HCN1: variants seen among roughly 807,000 people sequenced by gnomAD.
HCN1 encodes hyperpolarization activated cyclic nucleotide gated potassium channel 1, also known as potassium/sodium hyperpolarization-activated cyclic nucleotide-gated channel 1.
Under a neutral mutation model 78.9 loss-of-function variants are expected in HCN1, and 13 were observed. The observed-to-expected ratio is 0.16, with a 90% confidence interval of 0.11 to 0.26. HCN1 has a LOEUF of 0.26. Among genes scored for constraint, HCN1 ranks in the 10% least tolerant of loss-of-function variants. HCN1 has a pLI of 1.00. For synonymous variants in HCN1, 552 were observed against 455.5 expected (o/e 1.21, Z -2.70); for missense variants, 810 against 1,154.3 (o/e 0.70, Z 4.32).
chr5:45,494,618 G>T (rs1275409437), intron 2 of HCN1, among the ~76,000 whole-genome samples: 6 of 151,964 alleles, frequency 3.9e-5, no homozygotes, highest in Admixed American at 3.9e-4. Context: ...GATCCCATTT[G>T]TCAATTTTGG....
At chr5:45,497,487 G>A (rs1237597531) in intron 2 of HCN1, among the ~76,000 whole-genome samples, 1 of 152,008 alleles carries the variant, frequency 6.6e-6, no homozygotes, top group African/African-American at 2.4e-5. Context: ...GATCTTTGTT[G>A]GTTTAAAGTC....
At chr5:45,577,648 T>C (rs1579978997) in intron 2 of HCN1, among the ~76,000 whole-genome samples, 1 of 152,102 alleles carries the variant, frequency 6.6e-6, no homozygotes, top group East Asian at 1.9e-4. Context: ...AAAATCTAGG[T>C]AGCATAAAGT....
intron 4 of HCN1, among the ~76,000 whole-genome samples, chr5:45,374,996 G>A (rs1202240737): frequency 7.3e-6 from 1 of 136,958 alleles, no homozygotes; most frequent in Non-Finnish European, 1.5e-5. Flanking sequence ...ACTTAAAACA[G>A]GATCACCATT....
intron 6 of HCN1, among the ~76,000 whole-genome samples, chr5:45,288,549 C>T (rs559142386): frequency 3.8e-4 from 58 of 152,054 alleles, no homozygotes; most frequent in East Asian, 1.9e-3. Flanking sequence ...GTCCTATCTA[C>T]GGAAAGAAAA....
intron 2 of HCN1, among the ~76,000 whole-genome samples, chr5:45,609,554 T>C (rs913011687): frequency 1.1e-4 from 16 of 152,154 alleles, no homozygotes; most frequent in African/African-American, 2.9e-4. Context: ...TATTAGATTC[T>C]ATAGTAATTT....
intron 1 of HCN1, among the ~76,000 whole-genome samples, chr5:45,683,693 G>C (rs1395227328): frequency 6.6e-6 from 1 of 150,784 alleles, no homozygotes; most frequent in Non-Finnish European, 1.5e-5. Context: ...TTGATACAGG[G>C]TTTCACTTTG....
chr5:45,623,648 CTATT>C lies in HCN1; in HGVS notation c.849+21533_849+21536del, dbSNP rs781566603. Among the ~76,000 whole-genome samples, 4 of 152,150 alleles carry C rather than the reference CTATT, an allele frequency of 2.6e-5. No individual in the cohort carries two copies. In the East Asian group the frequency reaches 7.7e-4, roughly 29 times the overall value. On this transcript the variant is annotated intron_variant, in intron 2 of 7. Coordinates refer to ENST00000303230, the MANE Select transcript of HCN1 (RefSeq NM_021072.4). ...TCAAAAGTGTGATGAGATCATTTAA[CTATT>C]CATTCAACAAATAATGACTATAAAT...
chr5:45,538,399 AT>A (rs1743013122), intron 2 of HCN1, among the ~76,000 whole-genome samples: 1 of 152,154 alleles, frequency 6.6e-6, no homozygotes, highest in Non-Finnish European at 1.5e-5. Context: ...ATAGAAAGTA[AT>A]ATCTAAGATG....
At chr5:45,693,853 G>A (rs1455297804) in intron 1 of HCN1, among the ~76,000 whole-genome samples, 7 of 152,134 alleles carry the variant, frequency 4.6e-5, no homozygotes, top group Admixed American at 4.6e-4. Context: ...GAAATTAAAT[G>A]TTAAAAGTTC....
Position 45,396,575 on chromosome 5 carries a change from C to G in HCN1, c.1147G>C (p.Ala383Pro). ...CCGACAAACATGGCATAGCAGGTGG[C>G]CCCGACGATCATGCTCAGCATGGTA... The part of the protein sequence containing the change: ...WITMLSMIVG[A>P]TCYAMFVGHA... Residue 383 changes from alanine to proline, a missense_variant, in exon 4 of 8, where the codon GCC (alanine) becomes CCC (proline). Transcript: ENST00000303230. 1 of 1,613,834 alleles carries G rather than the reference C, an allele frequency of 6.2e-7. No individual in the cohort carries two copies. The highest frequency in any genetic ancestry group is 8.5e-7 in the Non-Finnish European group (1 of 1,179,900).
In HCN1 at chr5:45,382,552, G is replaced by A. The variant is rs373768717; in HGVS notation, c.1230+13940C>T. On this transcript the variant is annotated intron_variant, in intron 4 of 7. Coordinates refer to ENST00000303230, the MANE Select transcript of HCN1 (RefSeq NM_021072.4). ...GCTTATTTGCTTCTTTTAAATTTTT[G>A]ACTTACTTATTAATTGATTTTTGGT... Among the ~76,000 whole-genome samples the A allele has an allele frequency of 3.9e-5, 6 of 151,916 alleles. No homozygotes were observed. The East Asian group carries it at 1.2e-3, about 29-fold the overall frequency.
intron 2 of HCN1, among the ~76,000 whole-genome samples, chr5:45,539,444 C>T (rs994794082): frequency 3.3e-5 from 5 of 151,120 alleles, no homozygotes; most frequent in Admixed American, 2.0e-4. Context: ...GGGCGGATCA[C>T]GAGGTCAGGA....
In HCN1 at chr5:45,365,124, T is replaced by C. The variant is rs146575824; in HGVS notation, c.1231-11878A>G. Among the ~76,000 whole-genome samples, 9 of 152,168 alleles carry C rather than the reference T, an allele frequency of 5.9e-5. No homozygotes were observed. In the East Asian group the frequency reaches 1.7e-3, roughly 29 times the overall value. ...CAAGCTTTGAAGTCCTTTTTAAAAA[T>C]AAAAGTGCCATTTTTTTCATACGAT... is the stretch of plus-strand genomic sequence containing the variant. On this transcript the variant is annotated intron_variant, in intron 4 of 7. Coordinates refer to ENST00000303230, the MANE Select transcript of HCN1 (RefSeq NM_021072.4).
At chr5:45,625,527 A>C (rs2112002731) in intron 2 of HCN1, among the ~76,000 whole-genome samples, 1 of 152,146 alleles carries the variant, frequency 6.6e-6, no homozygotes, top group African/African-American at 2.4e-5. Context: ...TGATTAGGTA[A>C]GAGATGGGAA....
intron 2 of HCN1, among the ~76,000 whole-genome samples, chr5:45,520,673 T>C (rs949625153): frequency 6.6e-6 from 1 of 152,074 alleles, no homozygotes; most frequent in Admixed American, 6.6e-5. Flanking sequence ...AGGCAGTATA[T>C]AGCAGCATCT....
chr5:45,264,578 C>T (rs1448796379), intron 7 of HCN1, among the ~76,000 whole-genome samples: 1 of 152,154 alleles, frequency 6.6e-6, no homozygotes, highest in Non-Finnish European at 1.5e-5. Context: ...TCCCTACTTA[C>T]AGACTGTCCT....
chr5:45,328,744 G>C (rs1326509602), intron 5 of HCN1, among the ~76,000 whole-genome samples: 1 of 151,570 alleles, frequency 6.6e-6, no homozygotes, highest in Non-Finnish European at 1.5e-5. Flanking sequence ...TTATTCTCTA[G>C]TAACGAACTG....
intron 5 of HCN1, among the ~76,000 whole-genome samples, chr5:45,352,382 G>A (rs1002830165): frequency 6.6e-6 from 1 of 151,794 alleles, no homozygotes; most frequent in Non-Finnish European, 1.5e-5. Context: ...TTGTGCAGTG[G>A]GGGGAGGGGG....
At chr5:45,352,991 TAA>T in intron 5 of HCN1, 107 bp downstream of exon 5, 1 of 881,228 alleles carries the variant, frequency 1.1e-6, no homozygotes, top group Non-Finnish European at 1.8e-6. Context: ...CAAAATATCT[TAA>T]TAAGTTTAGG....
Sources: gnomAD v4.1 joint callset for allele counts (sites outside exome capture counted in the v4.1 genomes callset) on GRCh38, gnomAD v4.1.1 for gene constraint, MANE v1.5 for transcripts, NCBI Gene and HGNC (gene_info 2026-07-23, HGNC 2026-07-21) for gene names.